CAV1: variants seen among roughly 807,000 people sequenced by gnomAD.
CAV1 encodes caveolin-1.
Under a neutral mutation model 16.5 loss-of-function variants are expected in CAV1, and 10 were observed. That is an observed-to-expected ratio of 0.61 (90% confidence interval 0.37 to 1.03). The LOEUF is 1.03. Ranked by LOEUF, CAV1 falls within the 50% of genes least tolerant of loss-of-function variation. CAV1 has a pLI of 0.01. For synonymous variants in CAV1, 76 were observed against 85.1 expected, an observed-to-expected ratio of 0.89 and a Z score of 0.59; for missense variants, 212 against 232.8, an observed-to-expected ratio of 0.91 and a Z score of 0.58.
At chr7:116,544,896 T>C (rs1401810749) in intron 2 of CAV1, among the ~76,000 whole-genome samples, 2 of 152,170 alleles carry the variant, frequency 1.3e-5, no homozygotes, top group Non-Finnish European at 2.9e-5. Flanking sequence ...ACTGTCCCCT[T>C]TTCAGTTACC....
rs762818040 is a variant in CAV1, at chr7:116,559,187, G to C, written c.437G>C (p.Arg146Pro). ...CTGATTGAGATTCAGTGCATCAGCC[G>C]TGTCTATTCCATCTACGTCCACACC... ...SFLIEIQCIS[R>P]VYSIYVHTVC... Residue 146 changes from arginine (R) to proline (P), a missense_variant, in exon 3 of 3, where the codon CGT becomes CCT. Physicochemically the swap from Arg to Pro is moderately radical, Grantham distance 103. Transcript: ENST00000341049. The C allele has an allele frequency of 2.4e-5, 38 of 1,613,822 alleles. No individual in the cohort carries two copies. The East Asian group carries it at 7.8e-4, about 33-fold the overall frequency.
intron 2 of CAV1, among the ~76,000 whole-genome samples, chr7:116,542,419 T>C (rs1793959975): frequency 6.6e-6 from 1 of 152,224 alleles, no homozygotes. Context: ...TATTCTTTTT[T>C]TAAGGCTCTC....
upstream of CAV1, chr7:116,525,022 A>C: frequency 6.2e-7 from 1 of 1,613,386 alleles, no homozygotes; most frequent in East Asian, 2.2e-5. Flanking sequence ...AGCACAGCCC[A>C]GGGAAACCTC....
At chr7:116,555,150 A>G (rs1794233065) in intron 2 of CAV1, among the ~76,000 whole-genome samples, 1 of 152,012 alleles carries the variant, frequency 6.6e-6, no homozygotes, top group Admixed American at 6.6e-5. Context: ...TCTATTTAAA[A>G]ACCTAGTCAC....
chr7:116,538,715 G>T (rs945695395), intron 2 of CAV1, among the ~76,000 whole-genome samples: 1 of 152,066 alleles, frequency 6.6e-6, no homozygotes, highest in African/African-American at 2.4e-5. Context: ...CTGTTTTCAC[G>T]CTGCTGATAA....
At chr7:116,536,150 G>A (rs1468600706) in intron 2 of CAV1, among the ~76,000 whole-genome samples, 1 of 152,130 alleles carries the variant, frequency 6.6e-6, no homozygotes, top group Non-Finnish European at 1.5e-5. Flanking sequence ...AGCCCAAGCA[G>A]TGAGAAAGTA....
intron 1 of CAV1, chr7:116,526,095 GT>G (rs2115927738): frequency 4.6e-6 from 1 of 218,960 alleles, no homozygotes; most frequent in African/African-American, 2.3e-5. Context: ...CGCGAAACAG[GT>G]GAAGCGCTCA....
chr7:116,537,009 CAAAAAAAAAAA>C (rs753949130), intron 2 of CAV1, among the ~76,000 whole-genome samples: 4 of 61,474 alleles, frequency 6.5e-5, no homozygotes, highest in Admixed American at 4.5e-4. Flanking sequence ...GACTCCGTCT[CAAAAAAAAAAA>C]AAAAAAAAAA....
rs1477555969 is a variant in CAV1 at position 116,560,905 on chromosome 7, G to T, written c.*1618G>T. On this transcript the variant is annotated 3_prime_UTR_variant, in exon 3 of 3. Transcript: ENST00000341049. Reference sequence around the variant, plus strand: ...TTACTTTTAAACTGTGTACATAACTGAAAATGTGCTATACTGCATACTTTT... The same window carrying T: ...TTACTTTTAAACTGTGTACATAACTTAAAATGTGCTATACTGCATACTTTT... The T allele has an allele frequency of 6.6e-6, 1 of 152,542 alleles. No individual in the cohort carries two copies. The highest frequency in any genetic ancestry group is 1.5e-5 in the Non-Finnish European group (1 of 68,032). The allele number at this position is 152,542 out of a possible 1,614,324, so 9.4% of individuals were successfully genotyped here.
chr7:116,541,394 G>A (rs1269805456), intron 2 of CAV1, among the ~76,000 whole-genome samples: 1 of 152,148 alleles, frequency 6.6e-6, no homozygotes, highest in African/African-American at 2.4e-5. Flanking sequence ...CTGCTCAGAC[G>A]CAATTACCAT....
chr7:116,525,242 G>C, intron 1 of CAV1, 150 bp downstream of exon 1: 1 of 1,608,604 alleles, frequency 6.2e-7, no homozygotes, highest in South Asian at 1.1e-5. Flanking sequence ...TGAGGAATGG[G>C]CCTGGGCGGG....
chr7:116,533,134 G>A (rs1179240458), intron 2 of CAV1, among the ~76,000 whole-genome samples: 2 of 152,074 alleles, frequency 1.3e-5, no homozygotes, highest in African/African-American at 4.8e-5. Context: ...GAGGTTAGGA[G>A]AGCAAGATCA....
chr7:116,537,485 G>A lies in CAV1; in HGVS notation c.195+10796G>A, dbSNP rs75721194. Among the ~76,000 whole-genome samples the A allele has an allele frequency of 1.1e-3, 166 of 152,198 alleles. 2 individuals carry two copies. In the East Asian group the frequency reaches 0.027, roughly 25 times the overall value. On this transcript the variant is annotated intron_variant, in intron 2 of 2. Transcript: ENST00000341049. ...TTATTATCACCATCATATTCCTTTT[G>A]CAGATAAGGAAACTCAGGCTTAGCA...
chr7:116,538,539 C>T (rs1793871469), intron 2 of CAV1, among the ~76,000 whole-genome samples: 3 of 152,170 alleles, frequency 2.0e-5, no homozygotes, highest in African/African-American at 7.2e-5. Context: ...CTTGCTTGTT[C>T]TTGAGAGCGA....
chr7:116,551,151 G>A (rs930554531), intron 2 of CAV1, among the ~76,000 whole-genome samples: 5 of 152,204 alleles, frequency 3.3e-5, no homozygotes, highest in African/African-American at 1.2e-4. Flanking sequence ...ACCCCAAAGA[G>A]TCTGATCTGA....
At chr7:116,526,186 G>C in intron 1 of CAV1, 1 of 717,726 alleles carries the variant, frequency 1.4e-6, no homozygotes, top group Non-Finnish European at 1.7e-6. Context: ...CGGGTCCTGC[G>C]GGTCCTGCGT....
At chr7:116,556,500 T>A (rs1794297366) in intron 2 of CAV1, among the ~76,000 whole-genome samples, 1 of 152,218 alleles carries the variant, frequency 6.6e-6, no homozygotes, top group Non-Finnish European at 1.5e-5. Context: ...ACCTCTCTTT[T>A]ACCTGGACAA....
At chr7:116,531,950 T>C (rs1440248401) in intron 2 of CAV1, among the ~76,000 whole-genome samples, 5 of 152,252 alleles carry the variant, frequency 3.3e-5, no homozygotes, top group African/African-American at 7.2e-5. Flanking sequence ...ATGGCAGCTA[T>C]TATTCATTCT....
chr7:116,552,210 A>G (rs1794178577), intron 2 of CAV1, among the ~76,000 whole-genome samples: 1 of 152,148 alleles, frequency 6.6e-6, no homozygotes, highest in Non-Finnish European at 1.5e-5. Flanking sequence ...TCTAAGTGTG[A>G]TTTTTCCAGA....
Sources: allele counts gnomAD v4.1 joint callset (sites outside exome capture counted in the v4.1 genomes callset), GRCh38; gene constraint gnomAD v4.1.1; transcripts MANE v1.5; gene names NCBI Gene and HGNC (gene_info 2026-07-23, HGNC 2026-07-21).